Variants in ARF4 observed in about 807,000 individuals in gnomAD.
The protein encoded by ARF4 is ARF GTPase 4.
In ARF4, 5 loss-of-function variants were observed where a neutral mutation model predicts 24.3. That is an observed-to-expected ratio of 0.21 (90% CI 0.11 to 0.43). ARF4 has a LOEUF of 0.43. Ranked by LOEUF, ARF4 falls within the 20% of genes least tolerant of loss-of-function variation. The probability of loss-of-function intolerance (pLI) is 1.00; values close to 1 mark genes in which losing one functional copy is unlikely to be tolerated. For missense variants in ARF4, 107 were observed against 213.0 expected (o/e 0.50, Z 3.10); for synonymous variants, 62 against 73.5 (o/e 0.84, Z 0.80).
intron 4 of ARF4, among the ~76,000 whole-genome samples, chr3:57,576,509 T>G: frequency 6.7e-6 from 1 of 149,762 alleles, no homozygotes; most frequent in East Asian, 1.9e-4. Flanking sequence ...CCAAGCTTTT[T>G]TTTTTTTTTT....
chr3:57,582,051 C>A (rs547343850), intron 3 of ARF4, among the ~76,000 whole-genome samples: 1 of 152,248 alleles, frequency 6.6e-6, no homozygotes, highest in South Asian at 2.1e-4. Context: ...GAATGCTCAA[C>A]TGGGTACAAT....
intron 4 of ARF4, 38 bp from the exon 5 acceptor site, chr3:57,575,711 G>A (rs752698468): frequency 1.3e-5 from 21 of 1,560,560 alleles, no homozygotes; most frequent in Non-Finnish European, 1.8e-5. Context: ...ACTACCAACC[G>A]GAATCCAATT....
chr3:57,584,242 C>A lies in ARF4; in HGVS notation c.148+142G>T, dbSNP rs929354179. Reference sequence around the variant, plus strand: ...CCTCCCAAAGTGCTGGGATTACAGGCATGAGCCACCACACCCGGCCTGTTT... The same window carrying A: ...CCTCCCAAAGTGCTGGGATTACAGGAATGAGCCACCACACCCGGCCTGTTT... On this transcript the variant is annotated intron_variant, in intron 2 of 5. Coordinates refer to ENST00000303436, the MANE Select transcript of ARF4 (RefSeq NM_001660.4). 4 of 870,588 alleles carry A rather than the reference C, an allele frequency of 4.6e-6. No individual in the cohort carries two copies. The African/African-American group carries it at 6.8e-5, about 15-fold the overall frequency. 53.9% of individuals were successfully genotyped at this position (870,588 alleles called of 1,614,324 possible).
rs749776888 is a variant in ARF4, at chr3:57,579,553, GCT to G, written c.259-2168_259-2167del. Among the ~76,000 whole-genome samples, 1,027 of 152,186 alleles carry G rather than the reference GCT, an allele frequency of 6.7e-3. 10 individuals are homozygous for G. The highest frequency in any genetic ancestry group is 0.023 in the African/African-American group (968 of 41,528). On this transcript the variant is annotated intron_variant, in intron 3 of 5. Coordinates refer to ENST00000303436, the MANE Select transcript of ARF4 (RefSeq NM_001660.4). Reference sequence around the variant, plus strand: ...TCTGCCTGCTTTGGCCTCCCAAAGTGCTGGGATTACAGGTGTGAGCCACCGCG... The same window carrying G: ...TCTGCCTGCTTTGGCCTCCCAAAGTGGGGATTACAGGTGTGAGCCACCGCG...
chr3:57,572,071 T>C lies in ARF4; in HGVS notation c.*141A>G. On this transcript the variant is annotated 3_prime_UTR_variant, in exon 6 of 6. Coordinates refer to ENST00000303436, the MANE Select transcript of ARF4 (RefSeq NM_001660.4). ...TAGCAACATTATACTCGGTAAACAATAATTGGCAACAAAATAAGTTTAATA... is the reference window on the plus strand; with the variant it reads ...TAGCAACATTATACTCGGTAAACAACAATTGGCAACAAAATAAGTTTAATA... 1 of 644,374 alleles carries C rather than the reference T, an allele frequency of 1.6e-6. No homozygotes were observed. The highest frequency in any genetic ancestry group is 2.0e-5 in the South Asian group (1 of 50,270). 39.9% of individuals were successfully genotyped at this position (644,374 alleles called of 1,614,324 possible).
At chr3:57,575,201 A>G (rs1015196027) in intron 5 of ARF4, among the ~76,000 whole-genome samples, 1 of 152,138 alleles carries the variant, frequency 6.6e-6, no homozygotes, top group Non-Finnish European at 1.5e-5. Context: ...ACCCTTAATA[A>G]GAAAGCCAGA....
intron 1 of ARF4, among the ~76,000 whole-genome samples, chr3:57,591,625 C>A (rs892617076): frequency 6.6e-6 from 1 of 152,032 alleles, no homozygotes; most frequent in Non-Finnish European, 1.5e-5. Context: ...TGCCACCACA[C>A]CCGGCTAATT....
chr3:57,587,747 G>C (rs1219439649), intron 1 of ARF4, among the ~76,000 whole-genome samples: 1 of 152,012 alleles, frequency 6.6e-6, no homozygotes, highest in Non-Finnish European at 1.5e-5. Flanking sequence ...GGTCACCCCA[G>C]AATTCAAGGG....
chr3:57,596,896 C>CG (rs1442751424), intron 1 of ARF4, 178 bp downstream of exon 1: 21 of 621,990 alleles, frequency 3.4e-5, no homozygotes, highest in Admixed American at 5.9e-5. Flanking sequence ...AGATCGGGGG[C>CG]GGGGGGGATC....
intron 1 of ARF4, among the ~76,000 whole-genome samples, chr3:57,586,016 T>G (rs1170226558): frequency 6.6e-6 from 1 of 152,140 alleles, no homozygotes; most frequent in Non-Finnish European, 1.5e-5. Flanking sequence ...AGGAATGTGT[T>G]TGCTTGTGAA....
chr3:57,589,824 G>A (rs1469871246), intron 1 of ARF4, among the ~76,000 whole-genome samples: 3 of 152,006 alleles, frequency 2.0e-5, no homozygotes, highest in Non-Finnish European at 4.4e-5. Context: ...CGGGCACGGT[G>A]GCTCACACCT....
chr3:57,577,551 T>C (rs1348183022), intron 3 of ARF4, among the ~76,000 whole-genome samples, 164 bp from the exon 4 acceptor site: 4 of 152,214 alleles, frequency 2.6e-5, no homozygotes, highest in South Asian at 2.1e-4. Flanking sequence ...TGAGAACTAT[T>C]TGTAAGTTTA....
At chr3:57,576,504 CTTTTTTT>C (rs376750506) in intron 4 of ARF4, among the ~76,000 whole-genome samples, 23 of 101,614 alleles carry the variant, frequency 2.3e-4, no homozygotes, top group African/African-American at 7.1e-4. Context: ...CTCAACCAAG[CTTTTTTT>C]TTTTTTTTTT....
In ARF4 at chr3:57,583,940, A is replaced by G; in HGVS notation, c.216T>C (p.Asp72=). 7.4e-6 allele frequency: 12 copies of G among 1,611,774 alleles called. No individual in the cohort carries two copies. The highest frequency in any genetic ancestry group is 9.3e-6 in the Non-Finnish European group (11 of 1,178,312). The part of the protein sequence containing the change: ...CFTVWDVGGQ[D]RIRPLWKHYF... Reference sequence around the variant, plus strand: ...AATGCTTCCAGAGAGGCCTAATTCTATCTTGACCACCAACATCCCATACTG... The same window carrying G: ...AATGCTTCCAGAGAGGCCTAATTCTGTCTTGACCACCAACATCCCATACTG... Residue 72 remains aspartate, a synonymous_variant, in exon 3 of 6, where the codon GAT becomes GAC. Coordinates refer to ENST00000303436, the MANE Select transcript of ARF4 (RefSeq NM_001660.4).
intron 1 of ARF4, among the ~76,000 whole-genome samples, chr3:57,585,601 A>G (rs2070026545): frequency 6.6e-6 from 1 of 152,120 alleles, no homozygotes; most frequent in Non-Finnish European, 1.5e-5. Flanking sequence ...TGTACCCTAG[A>G]ACTTAAAGTA....
intron 3 of ARF4, among the ~76,000 whole-genome samples, chr3:57,579,322 T>G (rs2069944115): frequency 6.6e-6 from 1 of 151,092 alleles, no homozygotes; most frequent in South Asian, 2.1e-4. Flanking sequence ...TATATCTTTT[T>G]TTTCACCCAG....
At position 57,575,559 on chromosome 3, in the gene ARF4, G is replaced by A. The variant is rs747265204; in HGVS notation, c.445C>T (p.Arg149Cys). ...MTDKLGLQSL[R>C]NRTWYVQATC... ...CTCCAAATACTTACTGTTCTGTTAC[G>A]AAGAGACTGAAGCCCTAGTTTATCT... Residue 149 changes from arginine (R) to cysteine (C), a missense_variant, in exon 5 of 6, where the codon CGT (arginine) becomes TGT (cysteine). Arg to Cys is a radical substitution (Grantham distance 180, BLOSUM62 -3). Coordinates refer to ENST00000303436, the MANE Select transcript of ARF4 (RefSeq NM_001660.4). 42 of 1,612,222 alleles carry A rather than the reference G, an allele frequency of 2.6e-5. 1 individual carries two copies. The East Asian group carries it at 5.8e-4, about 22-fold the overall frequency.
At chr3:57,576,504 CTTTTTTTTTTTTT>C (rs376750506) in intron 4 of ARF4, among the ~76,000 whole-genome samples, 1 of 101,602 alleles carries the variant, frequency 9.8e-6, no homozygotes, top group East Asian at 3.1e-4. Flanking sequence ...CTCAACCAAG[CTTTTTTTTTTTTT>C]TTTTTTTTTG....
At chr3:57,588,731 T>G (rs1575786817) in intron 1 of ARF4, among the ~76,000 whole-genome samples, 1 of 133,246 alleles carries the variant, frequency 7.5e-6, no homozygotes, top group South Asian at 2.5e-4. Flanking sequence ...CTGAGGCAGG[T>G]GGATGACCTG....
Sources: gnomAD v4.1 joint callset for allele counts (sites outside exome capture counted in the v4.1 genomes callset) on GRCh38, gnomAD v4.1.1 for gene constraint, MANE v1.5 for transcripts, NCBI Gene and HGNC (gene_info 2026-07-23, HGNC 2026-07-21) for gene names.